LAMC2: variants seen among roughly 807,000 people sequenced by gnomAD.
LAMC2 encodes the protein laminin subunit gamma 2.
A neutral mutation model predicts 140.2 loss-of-function variants in LAMC2; 97 were observed. The ratio of observed to expected loss-of-function variants is 0.69; its 90% CI spans 0.59 to 0.82. The LOEUF is 0.82. Ranked by LOEUF, LAMC2 falls within the 40% of genes least tolerant of loss-of-function variation. LAMC2 has a pLI of 0.00. For missense variants in LAMC2, 1,402 were observed against 1,476.1 expected, an observed-to-expected ratio of 0.95 and a Z score of 0.82; for synonymous variants, 513 against 540.2, an observed-to-expected ratio of 0.95 and a Z score of 0.70.
At chr1:183,227,002 C>T in intron 9 of LAMC2, 86 bp downstream of exon 9, 2 of 1,058,110 alleles carry the variant, frequency 1.9e-6, no homozygotes, top group Non-Finnish European at 2.9e-6. Context: ...GCTGAACTCA[C>T]ATCAGAGGTG....
chr1:183,206,416 G>A (rs990490263), intron 1 of LAMC2, among the ~76,000 whole-genome samples: 1 of 152,194 alleles, frequency 6.6e-6, no homozygotes, highest in Non-Finnish European at 1.5e-5. Context: ...GGCCGAGGCA[G>A]GCGGATCACC....
Position 183,232,762 on chromosome 1 carries a change from G to A in LAMC2, c.2125G>A (p.Gly709Arg). The change falls in exon 14 of 23, where the codon GGA (glycine) becomes AGA (arginine). Residue 709 changes from glycine to arginine, a missense_variant. By Grantham distance (125) the Gly-to-Arg change is moderately radical (BLOSUM62 -2). Around this residue, in one of 3 missense-constraint regions of LAMC2, gnomAD observed 670 missense variants for 667.2 expected, o/e 1.00. Transcript: ENST00000264144. ...KMTVERVRALGSQYQNRVRDT... is the reference protein window; with the variant it reads ...KMTVERVRALRSQYQNRVRDT... The stretch of plus-strand genomic sequence containing the variant: ...GACTGTGGAAAGAGTTCGGGCTCTG[G>A]GAAGTCAGTACCAGAACCGAGTTCG... 1 of 1,614,112 alleles carries A rather than the reference G, an allele frequency of 6.2e-7. No individual in the cohort carries two copies. The highest frequency in any genetic ancestry group is 8.5e-7 in the Non-Finnish European group (1 of 1,180,020).
chr1:183,215,527 C>G lies in LAMC2; in HGVS notation c.343C>G (p.Arg115Gly), dbSNP rs149930148. The G allele has an allele frequency of 2.5e-5, 40 of 1,614,180 alleles. No homozygotes were observed. The African/African-American group carries it at 4.1e-4, about 17-fold the overall frequency. ...KPGVTGARCDRCLPGFHMLTD... is the reference protein window; with the variant it reads ...KPGVTGARCDGCLPGFHMLTD... The stretch of plus-strand genomic sequence containing the variant: ...AGGTGTGACAGGAGCCAGATGCGAC[C>G]GATGTCTGCCAGGCTTCCACATGCT... Residue 115 changes from arginine to glycine, a missense_variant, in exon 3 of 23, where the codon CGA becomes GGA. By Grantham distance (125) the Arg-to-Gly change is moderately radical. Around this residue, in one of 3 missense-constraint regions of LAMC2, gnomAD observed 723 missense variants for 783.3 expected, o/e 0.92. Transcript: ENST00000264144.
At chr1:183,233,704 T>C (rs982267644) in intron 14 of LAMC2, among the ~76,000 whole-genome samples, 3 of 152,136 alleles carry the variant, frequency 2.0e-5, no homozygotes, top group Non-Finnish European at 2.9e-5. Flanking sequence ...TAAATTCATA[T>C]AAAAAATGTA....
In LAMC2 at chr1:183,223,214, C is replaced by G. The variant is rs532663351; in HGVS notation, c.843C>G (p.His281Gln). Residue 281 changes from histidine (H) to glutamine (Q), a missense_variant, in exon 7 of 23, where the codon CAC becomes CAG. Around this residue, in one of 3 missense-constraint regions of LAMC2, gnomAD observed 723 missense variants for 783.3 expected, o/e 0.92. Coordinates refer to ENST00000264144, the MANE Select transcript of LAMC2 (RefSeq NM_005562.3). ...FDYRVDRGGR[H>Q]PSAHDVILEG... ...ACCGTGTGGACAGAGGAGGCAGACA[C>G]CCATCTGCCCATGATGTGATTCTGG... The G allele has an allele frequency of 1.9e-6, 3 of 1,613,830 alleles. No individual in the cohort carries two copies. The highest frequency in any genetic ancestry group is 2.5e-6 in the Non-Finnish European group (3 of 1,179,704).
the LAMC2 span, chr1:183,251,855 T>TTGCTGCTGCTGCTGC: frequency 3.7e-5 from 6 of 163,302 alleles, 1 homozygote; most frequent in East Asian, 1.9e-4. Context: ...TGATCAAAGG[T>TTGCTGCTGCTGCTGC]TGCTGCTGCT....
Position 183,226,915 on chromosome 1 carries a change from A to G in LAMC2, c.1284A>G (p.Thr428=), listed in dbSNP as rs750608197. 14 of 1,612,872 alleles carry G rather than the reference A, an allele frequency of 8.7e-6. No homozygotes were observed. The highest frequency in any genetic ancestry group is 1.2e-5 in the Non-Finnish European group (14 of 1,179,092). ...CQGGGACDPD[T]GDCYSGDENP... ...GGGGAGGGGCCTGTGATCCAGACAC[A>G]GGTGAGTGAAATGACACCTGGACCA... The change falls in exon 9 of 23, where the codon ACA becomes ACG. Residue 428 remains threonine (T), a splice_region_variant and synonymous_variant. Transcript: ENST00000264144.
At chr1:183,211,331 T>C (rs1659063216) in intron 2 of LAMC2, among the ~76,000 whole-genome samples, 1 of 152,244 alleles carries the variant, frequency 6.6e-6, no homozygotes, top group Non-Finnish European at 1.5e-5. Flanking sequence ...ATATTGGACT[T>C]ACTCTCTTAA....
downstream of LAMC2, among the ~76,000 whole-genome samples, chr1:183,246,733 A>G (rs1028494837): frequency 6.6e-6 from 1 of 152,226 alleles, no homozygotes; most frequent in African/African-American, 2.4e-5. Context: ...AGTCTCAAGG[A>G]CCAGGAATGT....
chr1:183,229,502 T>C (rs1659737007), intron 11 of LAMC2, among the ~76,000 whole-genome samples: 1 of 151,596 alleles, frequency 6.6e-6, no homozygotes, highest in African/African-American at 2.4e-5. Flanking sequence ...CTGGACGTGG[T>C]GGTGGGTGCC....
In LAMC2 at chr1:183,228,510, A is replaced by C. The variant is rs2102233337; in HGVS notation, c.1605A>C (p.Thr535=). The change falls in exon 11 of 23, where the codon ACA becomes ACC. Residue 535 remains threonine (T), a synonymous_variant. Coordinates refer to ENST00000264144, the MANE Select transcript of LAMC2 (RefSeq NM_005562.3). The surrounding 1 kb of genome is among the most constrained non-coding windows in gnomAD (Gnocchi z 4.3). ...PSASGNCDRL[T]GRCLKCIHNT... The stretch of plus-strand genomic sequence containing the variant: ...CCTCTGGGAATTGTGACCGGCTGAC[A>C]GGCAGGTGTTTGAAGTGTATCCACA... 1.2e-6 allele frequency: 2 copies of C among 1,613,972 alleles called. No homozygotes were observed. Among genetic ancestry groups the C allele is most frequent in the Non-Finnish European group, 1.7e-6 (2 of 1,180,026 alleles).
chr1:183,237,258 T>C, intron 17 of LAMC2, 94 bp from the exon 18 acceptor site: 1 of 1,410,374 alleles, frequency 7.1e-7, no homozygotes, highest in East Asian at 2.3e-5. Flanking sequence ...CTTAAGGCTG[T>C]TGCTATTTTC....
At chr1:183,203,596 A>T (rs1571507855) in intron 1 of LAMC2, among the ~76,000 whole-genome samples, 1 of 151,402 alleles carries the variant, frequency 6.6e-6, no homozygotes, top group African/African-American at 2.4e-5. Flanking sequence ...GATGAAAAGC[A>T]TCATTCCATG....
chr1:183,238,178 G>A, intron 18 of LAMC2, 129 bp from the exon 19 acceptor site: 1 of 714,606 alleles, frequency 1.4e-6, no homozygotes, highest in Non-Finnish European at 2.5e-6. Flanking sequence ...TTGTAGAGGG[G>A]TTTGCTACAG....
At chr1:183,235,122 C>A (rs998126340) in intron 15 of LAMC2, among the ~76,000 whole-genome samples, 3 of 152,044 alleles carry the variant, frequency 2.0e-5, no homozygotes, top group African/African-American at 4.8e-5. Flanking sequence ...TTTTTAGAAC[C>A]AGGAGGAACC....
rs755460135 is a variant in LAMC2, at chr1:183,243,265, A to G, written c.3447A>G (p.Ala1149=). The change falls in exon 23 of 23, where the codon GCA becomes GCG. Residue 1149 remains alanine, a synonymous_variant. Coordinates refer to ENST00000264144, the MANE Select transcript of LAMC2 (RefSeq NM_005562.3). ...RPMMSELEER[A]RQQRGHLHLL... Reference sequence around the variant, plus strand: ...TGATGTCAGAGCTGGAAGAGAGGGCACGTCAGCAGAGGGGCCACCTCCATT... The same window carrying G: ...TGATGTCAGAGCTGGAAGAGAGGGCGCGTCAGCAGAGGGGCCACCTCCATT... 1.2e-6 allele frequency: 2 copies of G among 1,614,206 alleles called. No individual in the cohort carries two copies. Among genetic ancestry groups the G allele is most frequent in the East Asian group, 4.5e-5 (2 of 44,884 alleles).
chr1:183,227,980 TG>T (rs1659683299), intron 10 of LAMC2, among the ~76,000 whole-genome samples: 1 of 152,350 alleles, frequency 6.6e-6, no homozygotes, highest in South Asian at 2.1e-4. Context: ...GCACATGGTT[TG>T]TTTCTTAATG....
Position 183,218,440 on chromosome 1 carries a change from C to T in LAMC2, c.455C>T (p.Ala152Val), listed in dbSNP as rs200275839. The change falls in exon 4 of 23, where the codon GCG becomes GTG. Residue 152 changes from alanine (A) to valine (V), a missense_variant. Physicochemically the swap from Ala to Val is moderately conservative, Grantham distance 64 (BLOSUM62 0). This residue lies in a region of LAMC2 where 723 missense variants were observed against 783.3 expected (regional missense o/e 0.92). Coordinates refer to ENST00000264144, the MANE Select transcript of LAMC2 (RefSeq NM_005562.3). ...GCTGGCATCGCAGGGCCCTGTGACG[C>T]GGGCCGCTGTGTCTGCAAGCCAGCT... ...DPAGIAGPCD[A>V]GRCVCKPAVT... 22 of 1,614,088 alleles carry T rather than the reference C, an allele frequency of 1.4e-5. No individual in the cohort carries two copies. In the East Asian group the frequency reaches 3.3e-4, roughly 25 times the overall value.
At chr1:183,225,107 T>G (rs897320998) in intron 7 of LAMC2, among the ~76,000 whole-genome samples, 1 of 152,230 alleles carries the variant, frequency 6.6e-6, no homozygotes, top group East Asian at 1.9e-4. Flanking sequence ...GCTGGTGATA[T>G]GTTACAGTGA....
Sources: gnomAD v4.1 joint callset for allele counts (sites outside exome capture counted in the v4.1 genomes callset) on GRCh38, gnomAD v4.1.1 for gene constraint, gnomAD v4.1.1 regional missense constraint, Gnocchi (gnomAD v3.1) non-coding constraint, MANE v1.5 for transcripts, NCBI Gene and HGNC (gene_info 2026-07-23, HGNC 2026-07-21) for gene names.